Variants in TYW1 observed in about 807,000 individuals in gnomAD.
The protein encoded by TYW1 is tRNA-yW synthesizing protein 1 homolog, also known as S-adenosyl-L-methionine-dependent tRNA 4-demethylwyosine synthase TYW1.
In TYW1, 46 loss-of-function variants were observed where a neutral mutation model predicts 96.2. The ratio of observed to expected loss-of-function variants is 0.48; its 90% CI spans 0.38 to 0.61. TYW1 has a LOEUF of 0.61. Ranked by LOEUF, TYW1 falls within the 20% of genes least tolerant of loss-of-function variation. The probability of loss-of-function intolerance (pLI) is 0.00; values close to 1 mark genes in which losing one functional copy is unlikely to be tolerated. For missense variants in TYW1, 684 were observed against 909.6 expected, an observed-to-expected ratio of 0.75 and a Z score of 3.19; for synonymous variants, 274 against 323.0, an observed-to-expected ratio of 0.85 and a Z score of 1.63.
chr7:67,141,155 C>T (rs1798436713), intron 13 of TYW1, among the ~76,000 whole-genome samples: 1 of 152,108 alleles, frequency 6.6e-6, no homozygotes, highest in African/African-American at 2.4e-5. Flanking sequence ...GAACAGGGCC[C>T]TTGTCGGCCT....
intron 9 of TYW1, among the ~76,000 whole-genome samples, chr7:67,062,566 C>CAAAAAAA (rs56770876): frequency 1.6e-4 from 14 of 89,160 alleles, no homozygotes; most frequent in South Asian, 7.3e-4. Flanking sequence ...GACTCCGTCT[C>CAAAAAAA]AAAAAAAAAA....
intron 7 of TYW1, among the ~76,000 whole-genome samples, chr7:67,039,670 CT>C (rs35673254): frequency 0.018 from 2,618 of 144,786 alleles, 32 homozygotes; most frequent in Admixed American, 0.046. Flanking sequence ...TTTTTAATTA[CT>C]TTTTTTTTTT....
intron 8 of TYW1, among the ~76,000 whole-genome samples, chr7:67,055,396 A>G (rs1795476114): frequency 6.6e-6 from 1 of 152,140 alleles, no homozygotes. Flanking sequence ...CAGGAGTTCG[A>G]GACCAGCCTG....
intron 12 of TYW1, among the ~76,000 whole-genome samples, chr7:67,112,430 A>G (rs1461098819): frequency 1.3e-5 from 2 of 152,114 alleles, no homozygotes; most frequent in East Asian, 1.9e-4. Context: ...AGCCTGGCCA[A>G]CATGGCAAAA....
At chr7:67,015,568 G>A (rs1793986946) in intron 5 of TYW1, among the ~76,000 whole-genome samples, 1 of 151,710 alleles carries the variant, frequency 6.6e-6, no homozygotes, top group Non-Finnish European at 1.5e-5. Context: ...CCCAGGCTTG[G>A]TTCAAACTCC....
At chr7:67,017,689 G>A (rs528988671) in intron 5 of TYW1, among the ~76,000 whole-genome samples, 164 bp from the exon 6 acceptor site, 10 of 152,282 alleles carry the variant, frequency 6.6e-5, no homozygotes, top group South Asian at 6.2e-4. Context: ...TCTGGGTCAA[G>A]GCTGGAGCTT....
At chr7:67,124,586 G>A (rs1458236350) in intron 13 of TYW1, among the ~76,000 whole-genome samples, 2 of 151,962 alleles carry the variant, frequency 1.3e-5, no homozygotes, top group East Asian at 1.9e-4. Flanking sequence ...TTTGATCATC[G>A]TAGATTAATT....
At position 67,120,343 on chromosome 7, in the gene TYW1, A is replaced by C. The variant is rs1287110793; in HGVS notation, c.1698+2725A>C. On this transcript the variant is annotated intron_variant, in intron 13 of 15. Transcript: ENST00000359626. ...AGTGATCCGCCTGCCTCAACCTCCG[A>C]AAGTGCTGGGATTACAGGTGTGAGC... Among the ~76,000 whole-genome samples the C allele has an allele frequency of 5.3e-5, 8 of 152,252 alleles. No homozygotes were observed. In the South Asian group the frequency reaches 1.7e-3, roughly 32 times the overall value.
intron 3 of TYW1, among the ~76,000 whole-genome samples, chr7:67,004,000 C>T (rs1793485644): frequency 1.3e-5 from 2 of 151,746 alleles, no homozygotes; most frequent in Non-Finnish European, 2.9e-5. Flanking sequence ...GCCAAGATGG[C>T]GCCACTGCAC....
chr7:67,098,769 C>A (rs759568682), intron 12 of TYW1, 51 bp downstream of exon 12: 7 of 1,486,860 alleles, frequency 4.7e-6, no homozygotes, highest in South Asian at 2.7e-5. Context: ...TGTTTCACTG[C>A]AAAGTAAAAC....
intron 13 of TYW1, among the ~76,000 whole-genome samples, chr7:67,135,549 C>A (rs71563165): frequency 6.6e-6 from 1 of 151,156 alleles, no homozygotes; most frequent in South Asian, 2.1e-4. Flanking sequence ...AGCAATCCAC[C>A]GCCTCGGCCT....
intron 13 of TYW1, among the ~76,000 whole-genome samples, chr7:67,146,756 T>C (rs1798620899): frequency 6.6e-6 from 1 of 152,254 alleles, no homozygotes; most frequent in Admixed American, 6.5e-5. Flanking sequence ...GTTAGAAATA[T>C]CTTTTCTTCT....
chr7:67,079,535 T>G (rs2115748068), intron 10 of TYW1, among the ~76,000 whole-genome samples: 1 of 152,122 alleles, frequency 6.6e-6, no homozygotes, highest in East Asian at 1.9e-4. Context: ...ATGTTTATCT[T>G]TTTAACAAAT....
At chr7:67,185,452 A>G (rs1425777236) in intron 14 of TYW1, among the ~76,000 whole-genome samples, 1 of 152,066 alleles carries the variant, frequency 6.6e-6, no homozygotes, top group Non-Finnish European at 1.5e-5. Flanking sequence ...TACATTTAGG[A>G]TTCCTTTTGG....
intron 12 of TYW1, among the ~76,000 whole-genome samples, chr7:67,107,372 A>T (rs1377134573): frequency 6.6e-6 from 1 of 152,142 alleles, no homozygotes; most frequent in African/African-American, 2.4e-5. Context: ...TGAAGTTTAA[A>T]ATCTAATTTT....
At chr7:67,211,290 T>C (rs1308168102) in intron 15 of TYW1, among the ~76,000 whole-genome samples, 2 of 151,978 alleles carry the variant, frequency 1.3e-5, no homozygotes, top group African/African-American at 2.4e-5. Flanking sequence ...CTTTTGACTT[T>C]ATGATAGTGT....
intron 3 of TYW1, among the ~76,000 whole-genome samples, chr7:67,005,976 G>A (rs1463564739): frequency 6.6e-6 from 1 of 151,904 alleles, no homozygotes; most frequent in Admixed American, 6.6e-5. Flanking sequence ...CAGTTCCTTT[G>A]GCTTTGGCTC....
chr7:67,012,220 C>T (rs535502658), intron 4 of TYW1, among the ~76,000 whole-genome samples: 32 of 151,866 alleles, frequency 2.1e-4, no homozygotes, highest in East Asian at 7.8e-4. Context: ...TGGTGGTGCG[C>T]GCCTGTAGTC....
At chr7:67,095,423 A>G (rs903099402) in intron 11 of TYW1, among the ~76,000 whole-genome samples, 59 of 150,822 alleles carry the variant, frequency 3.9e-4, no homozygotes, top group Non-Finnish European at 6.9e-4. Flanking sequence ...ATGGTGGCTC[A>G]CGCCTGTAAT....
Sources: gnomAD v4.1 joint callset for allele counts (sites outside exome capture counted in the v4.1 genomes callset) on GRCh38, gnomAD v4.1.1 for gene constraint, MANE v1.5 for transcripts, NCBI Gene and HGNC (gene_info 2026-07-23, HGNC 2026-07-21) for gene names.